DBR1: variants seen among roughly 807,000 people sequenced by gnomAD.
DBR1 encodes lariat debranching enzyme.
DBR1 carries 33 observed loss-of-function variants against 45.9 expected under a neutral mutation model. The observed-to-expected ratio is 0.72, with a 90% CI of 0.55 to 0.96. The LOEUF is 0.96. DBR1 is among the 40% of genes least tolerant of loss of function. The probability of loss-of-function intolerance (pLI) is 0.00; values close to 1 mark genes in which losing one functional copy is unlikely to be tolerated. For missense variants in DBR1, 619 were observed against 667.4 expected (o/e 0.93, Z 0.80); for synonymous variants, 235 against 235.9 (o/e 1.00, Z 0.04).
Position 138,171,625 on chromosome 3 carries a change from A to G in DBR1, c.403+8T>C. 1 of 1,604,390 alleles carries G rather than the reference A, an allele frequency of 6.2e-7. No individual in the cohort carries two copies. ...TCTAAAGTTTAAAAATAATTCTCAA[A>G]ACAATACCTTTTCGATAGTCATGAG... On this transcript the variant is annotated splice_region_variant and intron_variant, in intron 3 of 7. Transcript: ENST00000260803.
rs1169789686 is a variant in DBR1, at chr3:138,167,296, G to C, written c.499C>G (p.Pro167Ala). The C allele has an allele frequency of 1.3e-6, 2 of 1,590,280 alleles. No individual in the cohort carries two copies. Among genetic ancestry groups the C allele is most frequent in the South Asian group, 2.3e-5 (2 of 85,846 alleles). The change falls in exon 5 of 8, where the codon CCT becomes GCT. Residue 167 changes from proline (P) to alanine (A), a missense_variant. By Grantham distance (27) the Pro-to-Ala change is conservative. Transcript: ENST00000260803. ...TCATGAGACAAGAATATATCTATAG[G>C]CTGCTTCAGCTTTCAAAAGAGAAAA... ...EVYKLKQLKQPIDIFLSHDWP... is the reference protein window; with the variant it reads ...EVYKLKQLKQAIDIFLSHDWP...
chr3:138,172,510 G>T (rs2042959865), intron 2 of DBR1, among the ~76,000 whole-genome samples: 1 of 152,206 alleles, frequency 6.6e-6, no homozygotes, highest in Non-Finnish European at 1.5e-5. Flanking sequence ...TGGGAGGATG[G>T]CTTGAGCCTG....
At chr3:138,170,440 GT>G (rs2042949071) in intron 3 of DBR1, among the ~76,000 whole-genome samples, 2 of 152,176 alleles carry the variant, frequency 1.3e-5, no homozygotes, top group African/African-American at 2.4e-5. Flanking sequence ...CTTTCTAACT[GT>G]TGACTAGAGA....
In DBR1 at chr3:138,161,853, A is replaced by G. The variant is rs9851548; in HGVS notation, c.*36T>C. ...AAGAGTGAAACTCCATCTCAAAAAA[A>G]CAAAACAAACACAAAAACAAAACAA... On this transcript the variant is annotated 3_prime_UTR_variant, in exon 8 of 8. Coordinates refer to ENST00000260803, the MANE Select transcript of DBR1 (RefSeq NM_016216.4). 0.67 allele frequency: 1,045,306 copies of G among 1,552,550 alleles called. 354,892 individuals are homozygous for G. The highest frequency in any genetic ancestry group is 0.7 in the Non-Finnish European group (786,385 of 1,129,110).
Position 138,161,681 on chromosome 3 carries a change from AC to A in DBR1, c.*207del. On this transcript the variant is annotated 3_prime_UTR_variant, in exon 8 of 8. Coordinates refer to ENST00000260803, the MANE Select transcript of DBR1 (RefSeq NM_016216.4). Reference sequence around the variant, plus strand: ...GCCAACACGGTGAAACCCTGTCATTACTAAAAATGCAAAAATTAGCCGGGTG... The same window carrying A: ...GCCAACACGGTGAAACCCTGTCATTATAAAAATGCAAAAATTAGCCGGGTG... 2.0e-6 allele frequency: 1 copy of A among 489,022 alleles called. No homozygotes were observed. The highest frequency in any genetic ancestry group is 3.7e-6 in the Non-Finnish European group (1 of 268,784). The allele number at this position is 489,022 out of a possible 1,614,324, so 30.3% of individuals were successfully genotyped here. A position where few individuals can be genotyped will look rare whatever the true frequency, so the allele number is the denominator to read the frequency against.
At chr3:138,174,484 CAATTAGAGATACAGAGAG>C in intron 1 of DBR1, 97 bp downstream of exon 1, 2 of 1,097,814 alleles carry the variant, frequency 1.8e-6, no homozygotes, top group Non-Finnish European at 2.6e-6. Context: ...AGTTAGGCAC[CAATTAGAGATACAGAGAG>C]AACAAAGACA....
chr3:138,163,589 AAATTT>A, intron 6 of DBR1, 95 bp from the exon 7 acceptor site: 4 of 780,744 alleles, frequency 5.1e-6, no homozygotes, highest in Non-Finnish European at 7.1e-6. Flanking sequence ...AATTTAATTT[AAATTT>A]AATTTCAATT....
At chr3:138,165,127 C>T (rs2042924384) in intron 5 of DBR1, among the ~76,000 whole-genome samples, 1 of 152,112 alleles carries the variant, frequency 6.6e-6, no homozygotes, top group South Asian at 2.1e-4. Context: ...CTCTAAAAGG[C>T]AGTTGTGATC....
At chr3:138,174,575 G>T in intron 1 of DBR1, 24 bp downstream of exon 1, 2 of 1,450,798 alleles carry the variant, frequency 1.4e-6, no homozygotes, top group Non-Finnish European at 1.9e-6. Context: ...CCACCGCCAA[G>T]TCCGGGCCCG....
At chr3:138,169,950 A>G (rs1303651672) in intron 4 of DBR1, among the ~76,000 whole-genome samples, 157 bp downstream of exon 4, 1 of 151,416 alleles carries the variant, frequency 6.6e-6, no homozygotes, top group Non-Finnish European at 1.5e-5. Context: ...GAAAAAAAAA[A>G]GGTTCATCTG....
At chr3:138,163,679 A>T (rs2042917957) in intron 6 of DBR1, 99 bp downstream of exon 6, 1 of 894,608 alleles carries the variant, frequency 1.1e-6, no homozygotes, top group Non-Finnish European at 1.5e-6. Flanking sequence ...AGAATACATA[A>T]ATTACAAACA....
intron 2 of DBR1, among the ~76,000 whole-genome samples, chr3:138,172,166 G>GTATA (rs1396676452): frequency 6.6e-6 from 1 of 152,160 alleles, no homozygotes; most frequent in Admixed American, 6.5e-5. Flanking sequence ...TCACAATATT[G>GTATA]TAATATAGGA....
chr3:138,164,986 G>T (rs1367368477), intron 5 of DBR1, among the ~76,000 whole-genome samples: 3 of 147,188 alleles, frequency 2.0e-5, no homozygotes, highest in Non-Finnish European at 3.0e-5. Flanking sequence ...TCCAATAAAG[G>T]TTTTTTTTTT....
intron 3 of DBR1, among the ~76,000 whole-genome samples, chr3:138,170,418 A>G (rs930678130): frequency 1.3e-5 from 2 of 152,232 alleles, no homozygotes; most frequent in Non-Finnish European, 2.9e-5. Flanking sequence ...GGTTGCTGGC[A>G]CACTTCAGTT....
intron 3 of DBR1, among the ~76,000 whole-genome samples, chr3:138,171,077 C>G (rs2724727): frequency 0.65 from 98,724 of 151,952 alleles, 32,291 homozygotes; most frequent in Admixed American, 0.69. Context: ...CTGGCAAAGA[C>G]AGGGAGGGAA....
chr3:138,167,158 G>C lies in DBR1; in HGVS notation c.637C>G (p.Leu213Val). 1 of 1,614,186 alleles carries C rather than the reference G, an allele frequency of 6.2e-7. No individual in the cohort carries two copies. Residue 213 changes from leucine (L) to valine (V), a missense_variant, in exon 5 of 8, where the codon CTT becomes GTT. By Grantham distance (32) the Leu-to-Val change is conservative. This residue lies in a region of DBR1 where 430 missense variants were observed against 447.7 expected (regional missense o/e 0.96). Transcript: ENST00000260803. ...TAAGTAGGTTTGAGATGCTCTAAAA[G>C]CTCTGAGGCAGCTGGACTTCCTAAT... ...NTLGSPAASE[L>V]LEHLKPTYWF...
chr3:138,166,166 T>C (rs1045721694), intron 5 of DBR1, among the ~76,000 whole-genome samples: 6 of 152,216 alleles, frequency 3.9e-5, no homozygotes, highest in African/African-American at 1.4e-4. Context: ...AAGAAATCTG[T>C]AACTCTGTTA....
At position 138,163,429 on chromosome 3, in the gene DBR1, A is replaced by G. The variant is rs761924515; in HGVS notation, c.861T>C (p.Thr287=). The change falls in exon 7 of 8, where the codon ACT becomes ACC. Residue 287 remains threonine, a synonymous_variant. Coordinates refer to ENST00000260803, the MANE Select transcript of DBR1 (RefSeq NM_016216.4). ...TAAGATCATCCGTAGCCCTGAGAATAGTGAGCCATTCAATATCATATTCCA... is the reference window on the plus strand; with the variant it reads ...TAAGATCATCCGTAGCCCTGAGAATGGTGAGCCATTCAATATCATATTCCA... The part of the protein sequence containing the change: ...DYLEYDIEWL[T]ILRATDDLIN... 6.2e-7 allele frequency: 1 copy of G among 1,613,464 alleles called. No individual in the cohort carries two copies. Among genetic ancestry groups the G allele is most frequent in the South Asian group, 1.1e-5 (1 of 91,050 alleles).
chr3:138,173,681 T>G, intron 1 of DBR1, 55 bp from the exon 2 acceptor site: 1 of 1,484,090 alleles, frequency 6.7e-7, no homozygotes, highest in Admixed American at 2.3e-5. Flanking sequence ...GAAAAGCAAA[T>G]AAGTTCCGAA....
Sources: allele counts gnomAD v4.1 joint callset (sites outside exome capture counted in the v4.1 genomes callset), GRCh38; gene constraint gnomAD v4.1.1; regional missense constraint gnomAD v4.1.1; transcripts MANE v1.5; gene names NCBI Gene and HGNC (gene_info 2026-07-23, HGNC 2026-07-21).